The following PAH variants were observed in gnomAD, a reference collection of about 807,000 sequenced individuals.
The protein encoded by PAH is phenylalanine-4-hydroxylase.
In PAH, 64 loss-of-function variants were observed where a neutral mutation model predicts 62.0. The ratio of observed to expected loss-of-function variants is 1.03; its 90% CI spans 0.84 to 1.27. PAH has a LOEUF of 1.27. PAH is among the 50% of genes most tolerant of loss of function. The probability of loss-of-function intolerance (pLI) is 0.00; values close to 1 mark genes in which losing one functional copy is unlikely to be tolerated. For missense variants in PAH, 579 were observed against 542.8 expected, an observed-to-expected ratio of 1.07 and a Z score of -0.66; for synonymous variants, 195 against 196.2, an observed-to-expected ratio of 0.99 and a Z score of 0.05.
intron 3 of PAH, among the ~76,000 whole-genome samples, chr12:102,888,797 C>G (rs1877143043): frequency 6.6e-6 from 1 of 151,918 alleles, no homozygotes; most frequent in South Asian, 2.1e-4. Flanking sequence ...GTGCATCCAG[C>G]AAGCATCCAG....
In PAH at chr12:102,924,370, A is replaced by T. The variant is rs530214630; in HGVS notation, c.-95-7145T>A. On this transcript the variant is annotated intron_variant, in intron 1 of 3. Coordinates refer to the PAH transcript ENST00000546844. The stretch of plus-strand genomic sequence containing the variant: ...AACTAGACTGATGGGTTTTTTTTTT[A>T]AATTAAGCTACTTCCTTAAATATTT... Among the ~76,000 whole-genome samples, 98 of 151,778 alleles carry T rather than the reference A, an allele frequency of 6.5e-4. 1 individual carries two copies. In the South Asian group the frequency reaches 8.1e-3, roughly 13 times the overall value.
At chr12:102,872,546 A>C (rs1876389978) in intron 4 of PAH, among the ~76,000 whole-genome samples, 2 of 152,266 alleles carry the variant, frequency 1.3e-5, no homozygotes, top group Admixed American at 1.3e-4. Flanking sequence ...GGAGAAAATT[A>C]GGTGGGCAAA....
At chr12:102,947,092 G>T (rs1879528498) in intron 1 of PAH, among the ~76,000 whole-genome samples, 1 of 152,114 alleles carries the variant, frequency 6.6e-6, no homozygotes. Context: ...TATAGTAATA[G>T]GGAGGAAGAA....
At chr12:102,945,385 C>T (rs1225609424) in intron 1 of PAH, among the ~76,000 whole-genome samples, 1 of 152,210 alleles carries the variant, frequency 6.6e-6, no homozygotes, top group African/African-American at 2.4e-5. Flanking sequence ...AGATGGAAGC[C>T]CATACTGCAA....
chr12:102,944,452 A>G (rs1297557947), intron 1 of PAH, among the ~76,000 whole-genome samples: 1 of 151,102 alleles, frequency 6.6e-6, no homozygotes, highest in Non-Finnish European at 1.5e-5. Flanking sequence ...ATTCTTTTTT[A>G]CTCTTCTGTC....
At chr12:102,916,065 G>A (rs1384280999) in intron 1 of PAH, among the ~76,000 whole-genome samples, 1 of 152,028 alleles carries the variant, frequency 6.6e-6, no homozygotes, top group East Asian at 1.9e-4. Context: ...GACCTGTTCT[G>A]GGATCACTCT....
Position 102,938,156 on chromosome 12 carries a change from G to T in PAH, c.-96+12433C>A, listed in dbSNP as rs1593000828. ...ACCACAGAGAGCAGAGAGGAATGAG[G>T]CAGGACAGCTGCCCACCAAGGATTG... On this transcript the variant is annotated intron_variant, in intron 1 of 3. Coordinates refer to the PAH transcript ENST00000546844. Among the ~76,000 whole-genome samples, 3 of 152,314 alleles carry T rather than the reference G, an allele frequency of 2.0e-5. No homozygotes were observed. In the East Asian group the frequency reaches 5.8e-4, roughly 29 times the overall value.
Position 102,957,802 on chromosome 12 carries a change from C to A in PAH, c.-96+393G>T, listed in dbSNP as rs957732146. The A allele has an allele frequency of 6.3e-6, 1 of 159,796 alleles. No homozygotes were observed. The highest frequency in any genetic ancestry group is 6.5e-5 in the Admixed American group (1 of 15,462). The allele number at this position is 159,796 out of a possible 1,614,324, so 9.9% of individuals were successfully genotyped here. A position where few individuals can be genotyped will look rare whatever the true frequency, so the allele number is the denominator to read the frequency against. On this transcript the variant is annotated intron_variant, in intron 1 of 4. Coordinates refer to the PAH transcript ENST00000551337. This position sits in a 1 kb window ranked among gnomAD's most constrained non-coding sequence, Gnocchi z 4.1. ...AAAATAATAAAAACAGCCTGAGCCA[C>A]GGCTGGAGAGACCGAGACCCGGCGC...
chr12:102,925,042 C>A (rs1256810730), intron 1 of PAH, among the ~76,000 whole-genome samples: 1 of 152,092 alleles, frequency 6.6e-6, no homozygotes, highest in Non-Finnish European at 1.5e-5. Context: ...TTCCTTCTTT[C>A]GCATGGAAAT....
chr12:102,908,537 A>G (rs1327865718), intron 2 of PAH, among the ~76,000 whole-genome samples: 1 of 152,168 alleles, frequency 6.6e-6, no homozygotes, highest in Non-Finnish European at 1.5e-5. Context: ...ACTCAGACAT[A>G]CATTCTCCTC....
chr12:102,920,192 A>G (rs532012196), upstream of PAH, among the ~76,000 whole-genome samples: 10 of 152,364 alleles, frequency 6.6e-5, no homozygotes, highest in African/African-American at 2.4e-4. Flanking sequence ...TTATTTATGC[A>G]CTAAGATAAA....
At chr12:102,872,966 T>TA (rs909851673) in intron 4 of PAH, among the ~76,000 whole-genome samples, 1 of 151,970 alleles carries the variant, frequency 6.6e-6, no homozygotes, top group Non-Finnish European at 1.5e-5. Flanking sequence ...GAAACTCCAT[T>TA]AAAAAAAACC....
intron 1 of PAH, among the ~76,000 whole-genome samples, chr12:102,947,113 A>G (rs773561363): frequency 3.3e-5 from 5 of 152,148 alleles, no homozygotes; most frequent in Non-Finnish European, 5.9e-5. Flanking sequence ...AATGATTTAA[A>G]TTCAGATGGA....
Position 102,877,487 on chromosome 12 carries a change from C to T in PAH, c.416G>A (p.Gly139Glu), listed in dbSNP as rs375384973. The T allele has an allele frequency of 6.2e-7, 1 of 1,614,012 alleles. No homozygotes were observed. The highest frequency in any genetic ancestry group is 8.5e-7 in the Non-Finnish European group (1 of 1,179,980). Residue 139 changes from glycine (G) to glutamate (E), a missense_variant, in exon 4 of 13, where the codon GGA becomes GAA. Transcript: ENST00000553106. ...DRFANQILSY[G>E]AELDADHPGF... Reference sequence around the variant, plus strand: ...AGGGTGGTCAGCATCCAGTTCCGCTCCATAGCTGAGAATCTGATTGGCAAA... The same window carrying T: ...AGGGTGGTCAGCATCCAGTTCCGCTTCATAGCTGAGAATCTGATTGGCAAA...
At chr12:102,871,511 G>T (rs2712618) in intron 4 of PAH, among the ~76,000 whole-genome samples, 94,477 of 151,972 alleles carry the variant, frequency 0.62, 30,347 homozygotes, top group African/African-American at 0.69. Context: ...TATGTTTCTC[G>T]TTTCAGATGG....
chr12:102,876,258 A>G (rs1616681), intron 4 of PAH, among the ~76,000 whole-genome samples: 49,561 of 152,058 alleles, frequency 0.33, 8,635 homozygotes, highest in Non-Finnish European at 0.39. Flanking sequence ...AGAAGCATCA[A>G]TCATTCATAT....
At chr12:102,843,201 C>T (rs117669542) in intron 11 of PAH, among the ~76,000 whole-genome samples, 2,233 of 152,208 alleles carry the variant, frequency 0.015, 23 homozygotes, top group Non-Finnish European at 0.024. Flanking sequence ...GTATTACAGA[C>T]GCACTGGTGG....
intron 1 of PAH, among the ~76,000 whole-genome samples, chr12:102,947,201 CTG>C (rs1300313188): frequency 6.6e-6 from 1 of 151,256 alleles, no homozygotes; most frequent in Non-Finnish European, 1.5e-5. Flanking sequence ...GTGTGTGTGT[CTG>C]TGTGTGTGTA....
chr12:102,876,437 C>T lies in PAH; in HGVS notation c.441+1025G>A, dbSNP rs770366217. On this transcript the variant is annotated intron_variant, in intron 4 of 12. Coordinates refer to ENST00000553106, the MANE Select transcript of PAH (RefSeq NM_000277.3). Reference sequence around the variant, plus strand: ...TCAGGCTCCTCGGGCCTCACTAGTTCTGTAAGATGGAAGCATCTGCTTTGC... The same window carrying T: ...TCAGGCTCCTCGGGCCTCACTAGTTTTGTAAGATGGAAGCATCTGCTTTGC... Among the ~76,000 whole-genome samples the T allele has an allele frequency of 4.6e-5, 7 of 152,210 alleles. 1 individual carries two copies. The highest frequency in any genetic ancestry group is 1.7e-4 in the African/African-American group (7 of 41,464).
Sources: allele counts gnomAD v4.1 joint callset (sites outside exome capture counted in the v4.1 genomes callset), GRCh38; gene constraint gnomAD v4.1.1; non-coding constraint Gnocchi (gnomAD v3.1); transcripts MANE v1.5; gene names NCBI Gene and HGNC (gene_info 2026-07-23, HGNC 2026-07-21).